The following CHUK variants were observed in gnomAD, a reference collection of about 807,000 sequenced individuals.
The protein encoded by CHUK is inhibitor of nuclear factor kappa-B kinase subunit alpha.
CHUK carries 35 observed loss-of-function variants against 104.8 expected under a neutral mutation model. The observed-to-expected ratio is 0.33, with a 90% CI of 0.26 to 0.44. The LOEUF is 0.44. CHUK is among the 20% of genes least tolerant of loss of function. The probability of loss-of-function intolerance (pLI) is 1.00; values close to 1 mark genes in which losing one functional copy is unlikely to be tolerated. For missense variants in CHUK, 663 were observed against 902.7 expected (o/e 0.73, Z 3.40); for synonymous variants, 276 against 291.9 (o/e 0.95, Z 0.56).
chr10:100,210,509 A>G (rs1468918691), intron 9 of CHUK, among the ~76,000 whole-genome samples: 1 of 152,226 alleles, frequency 6.6e-6, no homozygotes, highest in Non-Finnish European at 1.5e-5. Context: ...CCCAATAATT[A>G]GATCTTTTAA....
At chr10:100,213,811 C>T (rs749191984) in intron 9 of CHUK, among the ~76,000 whole-genome samples, 4 of 152,190 alleles carry the variant, frequency 2.6e-5, no homozygotes, top group Admixed American at 6.5e-5. Flanking sequence ...CATGAGCCAC[C>T]ACACCTGTAT....
chr10:100,194,688 TAAATA>T (rs1054301900), intron 16 of CHUK, 167 bp from the exon 17 acceptor site: 16 of 520,330 alleles, frequency 3.1e-5, no homozygotes, highest in Admixed American at 2.3e-4. Context: ...AGATTACCTA[TAAATA>T]AAATCTAGTT....
Position 100,200,026 on chromosome 10 carries a change from AAAGAG to A in CHUK, c.1680-11_1680-7del. ...GATCAATGGCACGCTGTTCCCTATA[AAAGAG>A]AAAACACGCTCTGATAAGTGAAGGT... On this transcript the variant is annotated splice_polypyrimidine_tract_variant and splice_region_variant and intron_variant, in intron 15 of 20. Coordinates refer to ENST00000370397, the MANE Select transcript of CHUK (RefSeq NM_001278.5). The A allele has an allele frequency of 6.2e-7, 1 of 1,608,050 alleles. No homozygotes were observed. The highest frequency in any genetic ancestry group is 8.5e-7 in the Non-Finnish European group (1 of 1,174,584).
intron 16 of CHUK, among the ~76,000 whole-genome samples, chr10:100,196,385 GTTTTTT>G (rs34375161): frequency 7.8e-6 from 1 of 128,214 alleles, no homozygotes. Flanking sequence ...TCTGCTCTGG[GTTTTTT>G]TTTTTTTTTT....
chr10:100,227,987 A>C (rs974834249), intron 1 of CHUK, among the ~76,000 whole-genome samples: 18 of 152,218 alleles, frequency 1.2e-4, no homozygotes, highest in African/African-American at 3.6e-4. Context: ...TCCTAGAACA[A>C]CACTTTTTAT....
intron 9 of CHUK, among the ~76,000 whole-genome samples, chr10:100,211,271 T>A (rs1190090205): frequency 1.3e-5 from 2 of 152,226 alleles, no homozygotes; most frequent in African/African-American, 4.8e-5. Context: ...CTTTATCTTT[T>A]ACATATTTTA....
chr10:100,215,364 C>T (rs1339708950), intron 9 of CHUK, among the ~76,000 whole-genome samples: 2 of 151,902 alleles, frequency 1.3e-5, no homozygotes, highest in Non-Finnish European at 2.9e-5. Flanking sequence ...AGAGTCACAG[C>T]TACAGAGATA....
intron 12 of CHUK, 55 bp from the exon 13 acceptor site, chr10:100,204,712 AAAC>A (rs1845550861): frequency 1.4e-6 from 2 of 1,420,346 alleles, no homozygotes; most frequent in Non-Finnish European, 2.0e-6. Context: ...CAGCATTCAG[AAAC>A]ATTGAACAAT....
intron 11 of CHUK, among the ~76,000 whole-genome samples, chr10:100,205,512 C>CT (rs759785431): frequency 2.6e-5 from 4 of 152,318 alleles, no homozygotes; most frequent in South Asian, 4.1e-4. Flanking sequence ...CTGGAATACT[C>CT]TTTTTCTCTC....
chr10:100,228,271 C>T (rs1218186145), intron 1 of CHUK, among the ~76,000 whole-genome samples: 5 of 152,198 alleles, frequency 3.3e-5, no homozygotes, highest in African/African-American at 4.8e-5. Context: ...AGGCACGAAC[C>T]TCTCAAATGG....
intron 9 of CHUK, among the ~76,000 whole-genome samples, chr10:100,210,093 T>TTA (rs1491110452): frequency 2.1e-4 from 22 of 103,586 alleles, no homozygotes; most frequent in African/African-American, 7.0e-4. Flanking sequence ...ATTTATTTAT[T>TTA]TTTTTTTTTT....
At chr10:100,200,804 G>T in intron 14 of CHUK, 24 bp from the exon 15 acceptor site, 2 of 1,255,286 alleles carry the variant, frequency 1.6e-6, no homozygotes, top group Non-Finnish European at 2.3e-6. Context: ...AAAATACAAA[G>T]GAAATGAAAG....
Position 100,211,781 on chromosome 10 carries a change from C to T in CHUK, c.934-1992G>A, listed in dbSNP as rs76254538. 5.0e-3 allele frequency among the ~76,000 whole-genome samples: 756 copies of T among 152,248 alleles called. 18 individuals carry two copies. The East Asian group carries it at 0.059, about 12-fold the overall frequency. ...CAGATCTTGACTATTGTGAATAATG[C>T]TGCAATGAACATGGGAGTGCAAATA... is the stretch of plus-strand genomic sequence containing the variant. On this transcript the variant is annotated intron_variant, in intron 9 of 20. Coordinates refer to ENST00000370397, the MANE Select transcript of CHUK (RefSeq NM_001278.5).
intron 9 of CHUK, among the ~76,000 whole-genome samples, chr10:100,213,144 A>C (rs1317460133): frequency 6.6e-6 from 1 of 152,096 alleles, no homozygotes; most frequent in Admixed American, 6.6e-5. Context: ...CATGTATTGA[A>C]ACATCACTAT....
intron 2 of CHUK, among the ~76,000 whole-genome samples, chr10:100,224,941 C>T (rs769381349): frequency 7.2e-5 from 11 of 152,024 alleles, no homozygotes; most frequent in Non-Finnish European, 1.3e-4. Flanking sequence ...CCTTGACCTC[C>T]TGGGCTCAAG....
intron 11 of CHUK, 152 bp downstream of exon 11, chr10:100,207,078 C>T (rs1458317407): frequency 1.6e-6 from 1 of 619,302 alleles, no homozygotes; most frequent in African/African-American, 1.8e-5. Flanking sequence ...TATATAAATC[C>T]ATTTTTCAGA....
chr10:100,221,524 A>AG (rs893398391), intron 4 of CHUK, among the ~76,000 whole-genome samples: 6 of 152,206 alleles, frequency 3.9e-5, no homozygotes, highest in Admixed American at 2.6e-4. Flanking sequence ...TGTCAATGGT[A>AG]GGGGGGGAGA....
Position 100,193,089 on chromosome 10 carries a change from C to A in CHUK, c.2108+209G>T, listed in dbSNP as rs1386082853. 3 of 596,890 alleles carry A rather than the reference C, an allele frequency of 5.0e-6. No individual in the cohort carries two copies. The African/African-American group carries it at 5.6e-5, about 11-fold the overall frequency. 37.0% of individuals were successfully genotyped at this position (596,890 alleles called of 1,614,324 possible). A position where few individuals can be genotyped will look rare whatever the true frequency, so the allele number is the denominator to read the frequency against. ...TTATATACATTGTCTAATCAAATTT[C>A]CACAGCAGTTCTATGAGACATTCCT... is the stretch of plus-strand genomic sequence containing the variant. On this transcript the variant is annotated intron_variant, in intron 19 of 20. Coordinates refer to ENST00000370397, the MANE Select transcript of CHUK (RefSeq NM_001278.5).
At position 100,200,759 on chromosome 10, in the gene CHUK, C is replaced by T; in HGVS notation, c.1591G>A (p.Glu531Lys). The change falls in exon 15 of 21, where the codon GAG becomes AAG. Residue 531 changes from glutamate (E) to lysine (K), a missense_variant. Transcript: ENST00000370397. ...YAEVGVIGYL[E>K]DQIMSLHAEI... is the part of the protein sequence containing the mutation. Reference sequence around the variant, plus strand: ...GCATGCAAAGACATAATCTGATCCTCCAGGTATCCAATGACACCAACCTAA... The same window carrying T: ...GCATGCAAAGACATAATCTGATCCTTCAGGTATCCAATGACACCAACCTAA... 6.2e-7 allele frequency: 1 copy of T among 1,601,320 alleles called. No homozygotes were observed. Among genetic ancestry groups the T allele is most frequent in the South Asian group, 1.1e-5 (1 of 90,798 alleles).
Sources: allele counts gnomAD v4.1 joint callset (sites outside exome capture counted in the v4.1 genomes callset), GRCh38; gene constraint gnomAD v4.1.1; transcripts MANE v1.5; gene names NCBI Gene and HGNC (gene_info 2026-07-23, HGNC 2026-07-21).